Variants in ARB2A observed in about 807,000 individuals in gnomAD.
ARB2A encodes the protein cotranscriptional regulator ARB2A.
chr5:93,685,997 G>A, the ARB2A span, among the ~76,000 whole-genome samples: 2 of 152,016 alleles, frequency 1.3e-5, no homozygotes, highest in Non-Finnish European at 2.9e-5. Flanking sequence ...ATATAATAAA[G>A]GCAAAAATGT....
chr5:93,803,870 C>T, the ARB2A span, among the ~76,000 whole-genome samples: 1 of 151,848 alleles, frequency 6.6e-6, no homozygotes, highest in Non-Finnish European at 1.5e-5. Flanking sequence ...TAAGCAGGTC[C>T]ATGCCTGTTG....
At chr5:93,722,178 T>C in the ARB2A span, among the ~76,000 whole-genome samples, 1 of 152,168 alleles carries the variant, frequency 6.6e-6, no homozygotes, top group Non-Finnish European at 1.5e-5. Flanking sequence ...GAAGAATACA[T>C]CTTTATTATT....
the ARB2A span, among the ~76,000 whole-genome samples, chr5:93,659,974 G>A: frequency 6.6e-6 from 1 of 151,666 alleles, no homozygotes; most frequent in Non-Finnish European, 1.5e-5. Context: ...TAATATGTAT[G>A]GACAGAAGGA....
At chr5:93,972,046 G>A in the ARB2A span, among the ~76,000 whole-genome samples, 1 of 152,146 alleles carries the variant, frequency 6.6e-6, no homozygotes, top group Non-Finnish European at 1.5e-5. Flanking sequence ...GTTCACTGTT[G>A]TGAACTTGGC....
the ARB2A span, among the ~76,000 whole-genome samples, chr5:93,635,395 T>G: frequency 2.6e-5 from 4 of 152,092 alleles, no homozygotes; most frequent in Non-Finnish European, 5.9e-5. Context: ...CTTCTTTGAT[T>G]AACCTTAGCT....
chr5:93,791,596 A>G, the ARB2A span, among the ~76,000 whole-genome samples: 1 of 152,158 alleles, frequency 6.6e-6, no homozygotes, highest in African/African-American at 2.4e-5. Context: ...CTGGATCTCC[A>G]CTGTAGCAAC....
the ARB2A span, among the ~76,000 whole-genome samples, chr5:93,971,149 CG>C: frequency 6.6e-6 from 1 of 152,140 alleles, no homozygotes; most frequent in Non-Finnish European, 1.5e-5. Context: ...CAGGTGCCCA[CG>C]ACCACGCTCA....
At chr5:94,006,762 G>C in the ARB2A span, among the ~76,000 whole-genome samples, 2 of 152,004 alleles carry the variant, frequency 1.3e-5, no homozygotes, top group African/African-American at 4.8e-5. Flanking sequence ...CATTTTTAAA[G>C]GCTACTAGGA....
the ARB2A span, among the ~76,000 whole-genome samples, chr5:93,930,121 G>GT: frequency 6.6e-6 from 1 of 152,110 alleles, no homozygotes; most frequent in African/African-American, 2.4e-5. Context: ...CTCATAAAGT[G>GT]TATGTATCCA....
At chr5:94,037,082 T>C in the ARB2A span, among the ~76,000 whole-genome samples, 1 of 152,178 alleles carries the variant, frequency 6.6e-6, no homozygotes, top group Non-Finnish European at 1.5e-5. Flanking sequence ...TTTCCATGTG[T>C]AGTTGGGCTT....
the ARB2A span, among the ~76,000 whole-genome samples, chr5:93,896,716 A>C: frequency 6.6e-6 from 1 of 152,122 alleles, no homozygotes; most frequent in African/African-American, 2.4e-5. Context: ...AAATGAGTTT[A>C]CATTTTAACA....
the ARB2A span, among the ~76,000 whole-genome samples, chr5:94,050,504 C>T: frequency 2.6e-5 from 4 of 151,694 alleles, no homozygotes; most frequent in Non-Finnish European, 5.9e-5. Flanking sequence ...CCACCTGCCT[C>T]GGCCTCCCAG....
the ARB2A span, among the ~76,000 whole-genome samples, chr5:94,058,729 T>C: frequency 2.0e-5 from 3 of 152,338 alleles, no homozygotes; most frequent in East Asian, 5.8e-4. Flanking sequence ...AGTTGTCTAA[T>C]ACATTTTAAG....
At chr5:94,032,965 G>C in the ARB2A span, among the ~76,000 whole-genome samples, 1 of 152,114 alleles carries the variant, frequency 6.6e-6, no homozygotes, top group Non-Finnish European at 1.5e-5. Context: ...CTGTATCATG[G>C]GGGTGGTTCC....
the ARB2A span, among the ~76,000 whole-genome samples, chr5:93,914,935 C>T: frequency 6.6e-6 from 1 of 151,828 alleles, no homozygotes; most frequent in Non-Finnish European, 1.5e-5. Flanking sequence ...TATTTTTATG[C>T]TATAAACGTG....
the ARB2A span, among the ~76,000 whole-genome samples, chr5:93,716,889 G>A: frequency 6.6e-6 from 1 of 151,938 alleles, no homozygotes; most frequent in African/African-American, 2.4e-5. Context: ...CAGAGTTGAA[G>A]TTCTGCCTTA....
chr5:93,835,564 G>A, the ARB2A span, among the ~76,000 whole-genome samples: 5 of 152,116 alleles, frequency 3.3e-5, no homozygotes, highest in Non-Finnish European at 7.4e-5. Flanking sequence ...AAAATTCAAG[G>A]TTTTTTACTT....
the ARB2A span, among the ~76,000 whole-genome samples, chr5:94,014,050 T>C: frequency 6.6e-6 from 1 of 152,102 alleles, no homozygotes; most frequent in African/African-American, 2.4e-5. Context: ...CCTTAACCCA[T>C]AAGAAGCATC....
chr5:93,864,521 CCTTTT>C, the ARB2A span, among the ~76,000 whole-genome samples: 2 of 152,038 alleles, frequency 1.3e-5, no homozygotes, highest in Admixed American at 6.6e-5. Flanking sequence ...CAAACTAATT[CCTTTT>C]AAGTGCCAAA....
Sources: gnomAD v4.1 joint callset for allele counts (sites outside exome capture counted in the v4.1 genomes callset) on GRCh38, gnomAD v4.1.1 for gene constraint, MANE v1.5 for transcripts, NCBI Gene and HGNC (gene_info 2026-07-23, HGNC 2026-07-21) for gene names.